RCOR1: variants seen among roughly 807,000 people sequenced by gnomAD.
RCOR1 encodes REST corepressor 1.
Under a neutral mutation model 64.0 loss-of-function variants are expected in RCOR1, and 12 were observed. That is an observed-to-expected ratio of 0.19 (90% CI 0.12 to 0.30). The LOEUF is 0.30. Among genes scored for constraint, RCOR1 ranks in the 10% least tolerant of loss-of-function variants. The pLI, the probability that RCOR1 is intolerant of heterozygous loss-of-function variation, is 1.00. For synonymous variants in RCOR1, 279 were observed against 227.2 expected, an observed-to-expected ratio of 1.23 and a Z score of -2.05; for missense variants, 502 against 621.2, an observed-to-expected ratio of 0.81 and a Z score of 2.04.
chr14:102,685,595 G>C (rs1437074220), intron 3 of RCOR1, among the ~76,000 whole-genome samples: 1 of 151,466 alleles, frequency 6.6e-6, no homozygotes, highest in Non-Finnish European at 1.5e-5. Context: ...AGAGTCTCCT[G>C]CCTCAGCTTC....
At chr14:102,662,624 A>G in intron 2 of RCOR1, 1 of 450,944 alleles carries the variant, frequency 2.2e-6, no homozygotes. Flanking sequence ...ACGCCTTTCA[A>G]CACTGCTTTC....
intron 2 of RCOR1, among the ~76,000 whole-genome samples, chr14:102,634,601 CGTGTGTGTGTGT>C (rs758804361): frequency 1.3e-5 from 2 of 150,724 alleles, no homozygotes; most frequent in Non-Finnish European, 2.9e-5. Flanking sequence ...GTTTATATTA[CGTGTGTGTGTGT>C]ATGTATGTGT....
At chr14:102,708,699 C>G (rs1422508128) in intron 6 of RCOR1, 116 bp downstream of exon 6, 3 of 651,496 alleles carry the variant, frequency 4.6e-6, no homozygotes, top group African/African-American at 3.7e-5. Flanking sequence ...GGTGGAACCA[C>G]ATGTTCATGA....
At chr14:102,608,669 A>T (rs1462930675) in intron 2 of RCOR1, among the ~76,000 whole-genome samples, 1 of 152,050 alleles carries the variant, frequency 6.6e-6, no homozygotes, top group Non-Finnish European at 1.5e-5. Context: ...TCCCGACCTC[A>T]GGTGATACAC....
At chr14:102,662,032 A>G (rs929240235) in intron 2 of RCOR1, among the ~76,000 whole-genome samples, 4 of 152,140 alleles carry the variant, frequency 2.6e-5, no homozygotes, top group Non-Finnish European at 5.9e-5. Context: ...AAGTGCTGGG[A>G]TTATAGGCGT....
At position 102,728,368 on chromosome 14, in the gene RCOR1, G is replaced by T. The variant is rs1175456228; in HGVS notation, c.*1862G>T. On this transcript the variant is annotated 3_prime_UTR_variant, in exon 12 of 12. Transcript: ENST00000262241. ...AAATAACACTAGTGATGAGGGAGAG[G>T]CTTCTTTTCACCATAAGCCTGCTGT... is the stretch of plus-strand genomic sequence containing the variant. 6.6e-6 allele frequency: 1 copy of T among 152,144 alleles called. No homozygotes were observed. The highest frequency in any genetic ancestry group is 2.4e-5 in the African/African-American group (1 of 41,412). 9.4% of individuals were successfully genotyped at this position (152,144 alleles called of 1,614,324 possible). A position where few individuals can be genotyped will look rare whatever the true frequency, so the allele number is the denominator to read the frequency against.
chr14:102,669,034 A>G lies in RCOR1; in HGVS notation c.362-12861A>G, dbSNP rs143718756. ...AGACAGGAGGTATATAGTTTGTAGAAAGATACAGATATTTAATGTAATCCC... is the reference window on the plus strand; with the variant it reads ...AGACAGGAGGTATATAGTTTGTAGAGAGATACAGATATTTAATGTAATCCC... On this transcript the variant is annotated intron_variant, in intron 2 of 11. Coordinates refer to ENST00000262241, the MANE Select transcript of RCOR1 (RefSeq NM_015156.4). Among the ~76,000 whole-genome samples, 5 of 152,272 alleles carry G rather than the reference A, an allele frequency of 3.3e-5. No homozygotes were observed. The East Asian group carries it at 9.6e-4, about 29-fold the overall frequency.
intron 11 of RCOR1, among the ~76,000 whole-genome samples, chr14:102,724,629 G>A (rs531379653): frequency 1.3e-5 from 2 of 152,246 alleles, no homozygotes; most frequent in South Asian, 2.1e-4. Context: ...CACCGTGCCC[G>A]GCCTATTTCT....
intron 2 of RCOR1, among the ~76,000 whole-genome samples, chr14:102,606,540 A>T (rs1266210216): frequency 6.6e-6 from 1 of 151,706 alleles, no homozygotes; most frequent in African/African-American, 2.4e-5. Context: ...AGTACCAGAG[A>T]GTGTTCTGGG....
chr14:102,645,097 C>T (rs192270969), intron 2 of RCOR1, among the ~76,000 whole-genome samples: 3 of 152,240 alleles, frequency 2.0e-5, no homozygotes, highest in Admixed American at 2.0e-4. Flanking sequence ...CAATTTGTAA[C>T]CTACTACATT....
chr14:102,660,842 C>T (rs1169615278), intron 2 of RCOR1, among the ~76,000 whole-genome samples: 1 of 152,080 alleles, frequency 6.6e-6, no homozygotes, highest in Non-Finnish European at 1.5e-5. Flanking sequence ...CATCTAAAAA[C>T]ATAATATTAT....
chr14:102,707,611 T>A lies in RCOR1; in HGVS notation c.660+99T>A, dbSNP rs116647419. 25 of 1,040,264 alleles carry A rather than the reference T, an allele frequency of 2.4e-5. No homozygotes were observed. In the African/African-American group the frequency reaches 3.7e-4, roughly 16 times the overall value. 64.4% of individuals were successfully genotyped at this position (1,040,264 alleles called of 1,614,324 possible). The stretch of plus-strand genomic sequence containing the variant: ...GGATATCATACTCAAACATAAATAT[T>A]CCCATTTTTGATAAAGTTCCCCTTT... On this transcript the variant is annotated intron_variant, in intron 5 of 11. Coordinates refer to ENST00000262241, the MANE Select transcript of RCOR1 (RefSeq NM_015156.4).
chr14:102,643,316 A>T, intron 2 of RCOR1: 2 of 980,696 alleles, frequency 2.0e-6, no homozygotes, highest in Non-Finnish European at 2.4e-6. Flanking sequence ...ATTAGAAAAG[A>T]TGTGAACAAA....
intron 3 of RCOR1, among the ~76,000 whole-genome samples, chr14:102,687,270 T>G (rs1895440960): frequency 6.6e-6 from 1 of 152,208 alleles, no homozygotes; most frequent in African/African-American, 2.4e-5. Flanking sequence ...GTAGAAACAC[T>G]GGGGTCTACA....
chr14:102,617,895 C>G (rs1893794986), intron 2 of RCOR1, among the ~76,000 whole-genome samples: 1 of 150,174 alleles, frequency 6.7e-6, no homozygotes, highest in South Asian at 2.1e-4. Flanking sequence ...GCCCAAGACT[C>G]TATCTCAAAT....
chr14:102,636,412 G>T (rs1005011769), intron 2 of RCOR1, among the ~76,000 whole-genome samples: 1 of 151,600 alleles, frequency 6.6e-6, no homozygotes, highest in African/African-American at 2.4e-5. Flanking sequence ...CAAGTAGCTG[G>T]GATTACAGGT....
intron 2 of RCOR1, among the ~76,000 whole-genome samples, chr14:102,593,561 C>T (rs921075306): frequency 1.3e-5 from 2 of 152,254 alleles, no homozygotes; most frequent in African/African-American, 4.8e-5. Flanking sequence ...CGCCGCTGCC[C>T]CCTTGCGCCT....
At chr14:102,694,383 A>T (rs1008832374) in intron 3 of RCOR1, among the ~76,000 whole-genome samples, 2 of 152,170 alleles carry the variant, frequency 1.3e-5, no homozygotes, top group Non-Finnish European at 2.9e-5. Context: ...CAGCCTCCCC[A>T]GTAGCTGGGA....
chr14:102,623,700 G>A (rs558801826), intron 2 of RCOR1, among the ~76,000 whole-genome samples: 21 of 151,580 alleles, frequency 1.4e-4, no homozygotes, highest in African/African-American at 5.1e-4. Flanking sequence ...GAGCCACAGC[G>A]CCTGGCCAAC....
Sources: allele counts gnomAD v4.1 joint callset (sites outside exome capture counted in the v4.1 genomes callset), GRCh38; gene constraint gnomAD v4.1.1; transcripts MANE v1.5; gene names NCBI Gene and HGNC (gene_info 2026-07-23, HGNC 2026-07-21).